FBXW10B: variants seen among roughly 807,000 people sequenced by gnomAD.
FBXW10B encodes the protein F-box and WD repeat domain containing 10B.
chr17:15,596,512 A>C, the FBXW10B span: 1 of 1,582,028 alleles, frequency 6.3e-7, no homozygotes, highest in Non-Finnish European at 8.6e-7. Flanking sequence ...CTGCCCACTT[A>C]CCTTTACCAA....
chr17:15,567,264 T>TC, the FBXW10B span, among the ~76,000 whole-genome samples: 1 of 121,384 alleles, frequency 8.2e-6, no homozygotes, highest in African/African-American at 2.7e-5. Flanking sequence ...AGAGCGAGAC[T>TC]CCATCTCAAA....
At chr17:15,611,116 C>T in the FBXW10B span, among the ~76,000 whole-genome samples, 6 of 151,700 alleles carry the variant, frequency 4.0e-5, no homozygotes, top group South Asian at 2.1e-4. Flanking sequence ...CTCCGCCTCC[C>T]GGGTTCACAC....
the FBXW10B span, among the ~76,000 whole-genome samples, chr17:15,617,781 T>G: frequency 2.6e-5 from 4 of 152,184 alleles, no homozygotes; most frequent in African/African-American, 9.7e-5. Context: ...GAGATGCTGG[T>G]GCCATGCTTC....
chr17:15,608,600 T>C, the FBXW10B span, among the ~76,000 whole-genome samples: 1 of 152,062 alleles, frequency 6.6e-6, no homozygotes, highest in South Asian at 2.1e-4. Flanking sequence ...ATTACAGGCA[T>C]GTGCCACCAC....
chr17:15,613,124 C>T, the FBXW10B span, among the ~76,000 whole-genome samples: 1 of 151,668 alleles, frequency 6.6e-6, no homozygotes, highest in Non-Finnish European at 1.5e-5. Context: ...AAAAAAAATC[C>T]AAGTTACCAA....
the FBXW10B span, chr17:15,573,923 A>C: frequency 8.6e-6 from 4 of 463,402 alleles, no homozygotes; most frequent in East Asian, 1.3e-4. Context: ...AATCAATGCA[A>C]TGACATTGTC....
At chr17:15,604,659 C>T in the FBXW10B span, among the ~76,000 whole-genome samples, 1 of 152,068 alleles carries the variant, frequency 6.6e-6, no homozygotes, top group South Asian at 2.1e-4. Flanking sequence ...CTCAGCGTCC[C>T]GAGTAGCTGG....
At chr17:15,569,455 CTTTTTTTTT>C in the FBXW10B span, among the ~76,000 whole-genome samples, 1 of 59,192 alleles carries the variant, frequency 1.7e-5, no homozygotes, top group East Asian at 7.0e-4. Flanking sequence ...TTTTCTTTTT[CTTTTTTTTT>C]TTTTTTTTTT....
chr17:15,602,913 C>T, the FBXW10B span, among the ~76,000 whole-genome samples: 1 of 119,666 alleles, frequency 8.4e-6, no homozygotes, highest in Non-Finnish European at 1.6e-5. Context: ...AGGCGTGAGC[C>T]ACCGCGCCCG....
the FBXW10B span, among the ~76,000 whole-genome samples, chr17:15,599,579 C>T: frequency 3.4e-5 from 5 of 147,972 alleles, no homozygotes; most frequent in East Asian, 2.0e-4. Flanking sequence ...ACTGATTCCA[C>T]GGTACAGTGG....
the FBXW10B span, among the ~76,000 whole-genome samples, chr17:15,605,051 T>C: frequency 6.6e-6 from 1 of 152,272 alleles, no homozygotes; most frequent in African/African-American, 2.4e-5. Context: ...AAGCAATATA[T>C]ACATTCCTGA....
chr17:15,593,440 C>T, the FBXW10B span: 3 of 1,614,158 alleles, frequency 1.9e-6, no homozygotes, highest in South Asian at 3.3e-5. Context: ...CGGATCTTGC[C>T]ATCTGCACAG....
the FBXW10B span, among the ~76,000 whole-genome samples, chr17:15,591,083 T>C: frequency 6.6e-6 from 1 of 150,480 alleles, no homozygotes; most frequent in African/African-American, 2.5e-5. Flanking sequence ...GCCCAGGTTC[T>C]TGCTGAGGGC....
the FBXW10B span, among the ~76,000 whole-genome samples, chr17:15,584,918 T>C: frequency 3.3e-5 from 5 of 151,604 alleles, no homozygotes; most frequent in Non-Finnish European, 5.9e-5. Context: ...TATCTTTGAA[T>C]CCAACTGGCC....
chr17:15,602,055 T>C, the FBXW10B span, among the ~76,000 whole-genome samples: 8 of 149,178 alleles, frequency 5.4e-5, no homozygotes, highest in African/African-American at 1.7e-4. Context: ...GAGCTGGCAG[T>C]GAGCTGAGAT....
chr17:15,588,284 T>C, the FBXW10B span: 3 of 164,026 alleles, frequency 1.8e-5, no homozygotes, highest in African/African-American at 7.2e-5. Context: ...TTACAGACAT[T>C]GTAATGATGG....
At chr17:15,593,495 T>C in the FBXW10B span, 2,719 of 1,613,868 alleles carry the variant, frequency 1.7e-3, 4 homozygotes, top group Admixed American at 5.4e-3. Flanking sequence ...CGAGCACCTC[T>C]CTGGAAGGGA....
the FBXW10B span, among the ~76,000 whole-genome samples, chr17:15,617,447 C>T: frequency 2.0e-5 from 3 of 152,134 alleles, no homozygotes; most frequent in Non-Finnish European, 1.5e-5. Context: ...CTGGACCCCT[C>T]CAAGGCTCAA....
At chr17:15,619,528 A>G in the FBXW10B span, 1 of 1,609,468 alleles carries the variant, frequency 6.2e-7, no homozygotes, top group Non-Finnish European at 8.5e-7. Context: ...TAAGATAACC[A>G]GTTCATTTTA....
Sources: allele counts gnomAD v4.1 joint callset (sites outside exome capture counted in the v4.1 genomes callset), GRCh38; gene constraint gnomAD v4.1.1; transcripts MANE v1.5; gene names NCBI Gene and HGNC (gene_info 2026-07-23, HGNC 2026-07-21).